CEP350: variants seen among roughly 807,000 people sequenced by gnomAD.
The protein encoded by CEP350 is centrosome-associated protein 350.
A neutral mutation model predicts 331.8 loss-of-function variants in CEP350; 126 were observed. That is an observed-to-expected ratio of 0.38 (90% CI 0.33 to 0.44). CEP350 has a LOEUF of 0.44. Among genes scored for constraint, CEP350 ranks in the 20% least tolerant of loss-of-function variants. The probability of loss-of-function intolerance (pLI) is 1.00; values close to 1 mark genes in which losing one functional copy is unlikely to be tolerated. For synonymous variants in CEP350, 1,200 were observed against 1,259.5 expected (o/e 0.95, Z 1.00); for missense variants, 3,406 against 3,634.6 (o/e 0.94, Z 1.62).
chr1:180,011,058 C>T (rs1319890483), intron 8 of CEP350, among the ~76,000 whole-genome samples: 1 of 151,382 alleles, frequency 6.6e-6, no homozygotes, highest in Non-Finnish European at 1.5e-5. Context: ...TTGTTACATT[C>T]TGAAGCTAGT....
chr1:179,978,686 A>G (rs1337342244), intron 1 of CEP350, among the ~76,000 whole-genome samples: 1 of 152,104 alleles, frequency 6.6e-6, no homozygotes, highest in Non-Finnish European at 1.5e-5. Flanking sequence ...CTCCAGGCTC[A>G]TCCATGTTGT....
intron 8 of CEP350, among the ~76,000 whole-genome samples, chr1:180,009,715 A>G (rs1654501772): frequency 6.6e-6 from 1 of 152,222 alleles, no homozygotes; most frequent in Non-Finnish European, 1.5e-5. Flanking sequence ...CTCTCATTTT[A>G]CATAAGAACA....
At chr1:179,988,645 A>T (rs977874729) in intron 3 of CEP350, among the ~76,000 whole-genome samples, 1 of 151,626 alleles carries the variant, frequency 6.6e-6, no homozygotes, top group African/African-American at 2.4e-5. Flanking sequence ...TTGGCAGGTG[A>T]TGCATAGTTC....
chr1:179,991,910 T>C (rs1411449326), intron 4 of CEP350, among the ~76,000 whole-genome samples, 152 bp from the exon 5 acceptor site: 6 of 152,144 alleles, frequency 3.9e-5, no homozygotes, highest in African/African-American at 1.2e-4. Flanking sequence ...CATGTACTTA[T>C]ATAATATCCA....
chr1:180,004,073 T>A (rs917601938), intron 7 of CEP350, among the ~76,000 whole-genome samples: 3 of 152,220 alleles, frequency 2.0e-5, no homozygotes, highest in African/African-American at 7.2e-5. Context: ...AAGAATAATG[T>A]AATAGTTAAG....
chr1:180,009,317 C>T (rs954447797), intron 8 of CEP350, among the ~76,000 whole-genome samples: 3 of 152,186 alleles, frequency 2.0e-5, no homozygotes, highest in African/African-American at 7.2e-5. Context: ...GCAATAATTA[C>T]ATTTTTAAAA....
At chr1:180,042,963 AGT>A in intron 19 of CEP350, 91 bp from the exon 20 acceptor site, 1 of 1,397,932 alleles carries the variant, frequency 7.2e-7, no homozygotes, top group Non-Finnish European at 9.7e-7. Context: ...TTCTCAAGTC[AGT>A]GATCTTTCTT....
At chr1:180,029,823 C>T (rs1655897585) in intron 14 of CEP350, among the ~76,000 whole-genome samples, 1 of 152,186 alleles carries the variant, frequency 6.6e-6, no homozygotes, top group Admixed American at 6.6e-5. Flanking sequence ...TAATAACTCT[C>T]ATTCTCCTCT....
chr1:180,108,521 G>A (rs907594195), intron 37 of CEP350, among the ~76,000 whole-genome samples: 2 of 152,050 alleles, frequency 1.3e-5, no homozygotes, highest in Non-Finnish European at 2.9e-5. Flanking sequence ...GGGGCGGGGT[G>A]GGGGACTAAA....
chr1:180,087,763 A>C, intron 32 of CEP350, 46 bp downstream of exon 32: 1 of 1,414,796 alleles, frequency 7.1e-7, no homozygotes, highest in Non-Finnish European at 9.3e-7. Flanking sequence ...TGTTTGAAAA[A>C]GGAATAAGGG....
At chr1:179,989,986 C>T (rs980576898) in intron 3 of CEP350, among the ~76,000 whole-genome samples, 8 of 151,292 alleles carry the variant, frequency 5.3e-5, no homozygotes, top group African/African-American at 1.7e-4. Flanking sequence ...GTCAGGAGAT[C>T]GAGACCAGCC....
intron 3 of CEP350, among the ~76,000 whole-genome samples, chr1:179,988,995 T>C (rs1043789215): frequency 6.6e-6 from 1 of 152,132 alleles, no homozygotes; most frequent in Non-Finnish European, 1.5e-5. Context: ...ATTTAGAGTT[T>C]AGCACTAAGT....
At chr1:179,993,528 T>G (rs1440476055) in intron 5 of CEP350, among the ~76,000 whole-genome samples, 1 of 152,152 alleles carries the variant, frequency 6.6e-6, no homozygotes, top group Non-Finnish European at 1.5e-5. Flanking sequence ...ACTCAGGCGA[T>G]TCTCTCACCT....
intron 36 of CEP350, among the ~76,000 whole-genome samples, chr1:180,096,707 A>G (rs1268396731): frequency 6.6e-6 from 1 of 152,198 alleles, no homozygotes; most frequent in Non-Finnish European, 1.5e-5. Context: ...ATACGTAAAA[A>G]TATTTATTTT....
At chr1:180,024,331 A>G in intron 13 of CEP350, 88 bp from the exon 14 acceptor site, 1 of 1,196,552 alleles carries the variant, frequency 8.4e-7, no homozygotes, top group East Asian at 2.4e-5. Context: ...ATAGTCTCCT[A>G]GTGATTACAT....
chr1:180,082,592 G>T (rs72710651), intron 30 of CEP350, among the ~76,000 whole-genome samples: 2,290 of 152,172 alleles, frequency 0.015, 23 homozygotes, highest in Middle Eastern at 0.051. Context: ...TGGGATTACA[G>T]GCACGAACCA....
intron 7 of CEP350, 85 bp downstream of exon 7, chr1:180,003,372 A>G: frequency 1.1e-6 from 1 of 898,662 alleles, no homozygotes; most frequent in Non-Finnish European, 1.7e-6. Context: ...ATTGTCACCA[A>G]ACTAACAATA....
chr1:179,961,054 A>C (rs1021176577), intron 1 of CEP350, among the ~76,000 whole-genome samples: 7 of 152,102 alleles, frequency 4.6e-5, no homozygotes, highest in Non-Finnish European at 1.0e-4. Flanking sequence ...ATTTATCTTT[A>C]TTTTTTATTT....
chr1:180,044,539 A>G (rs1656988460), intron 21 of CEP350, among the ~76,000 whole-genome samples: 1 of 152,030 alleles, frequency 6.6e-6, no homozygotes, highest in African/African-American at 2.4e-5. Context: ...GACATGGATG[A>G]AACTGGAAAC....
Sources: gnomAD v4.1 joint callset for allele counts (sites outside exome capture counted in the v4.1 genomes callset) on GRCh38, gnomAD v4.1.1 for gene constraint, MANE v1.5 for transcripts, NCBI Gene and HGNC (gene_info 2026-07-23, HGNC 2026-07-21) for gene names.